L3MBTL4: variants seen among roughly 807,000 people sequenced by gnomAD.
The protein encoded by L3MBTL4 is lethal(3)malignant brain tumor-like protein 4.
L3MBTL4 carries 70 observed loss-of-function variants against 84.5 expected under a neutral mutation model. The observed-to-expected ratio is 0.83, with a 90% CI of 0.68 to 1.01. The LOEUF is 1.01. Among genes scored for constraint, L3MBTL4 ranks in the 50% least tolerant of loss-of-function variants. The probability of loss-of-function intolerance (pLI) is 0.00; values close to 1 mark genes in which losing one functional copy is unlikely to be tolerated. For missense variants in L3MBTL4, 715 were observed against 754.8 expected (o/e 0.95, Z 0.62); for synonymous variants, 274 against 259.8 (o/e 1.05, Z -0.52).
chr18:6,155,723 G>C (rs923473764), intron 13 of L3MBTL4, among the ~76,000 whole-genome samples: 1 of 152,112 alleles, frequency 6.6e-6, no homozygotes, highest in Non-Finnish European at 1.5e-5. Context: ...AAAATTTTCA[G>C]TTCTCTAAGT....
At chr18:6,270,279 C>T (rs1431716645) in intron 4 of L3MBTL4, among the ~76,000 whole-genome samples, 1 of 152,186 alleles carries the variant, frequency 6.6e-6, no homozygotes, top group African/African-American at 2.4e-5. Flanking sequence ...CATGCTCTCC[C>T]TACATTTTTC....
intron 6 of L3MBTL4, among the ~76,000 whole-genome samples, chr18:6,243,975 T>A (rs946475856): frequency 3.9e-4 from 60 of 152,204 alleles, no homozygotes; most frequent in African/African-American, 1.4e-3. Context: ...AATGTGACTG[T>A]TATGTTCAAT....
intron 1 of L3MBTL4, among the ~76,000 whole-genome samples, chr18:6,314,931 AC>A (rs1335932949): frequency 6.6e-6 from 1 of 152,202 alleles, no homozygotes; most frequent in Non-Finnish European, 1.5e-5. Context: ...GTCCTGGATA[AC>A]CCAAGGTACG....
At chr18:6,349,510 C>T (rs1410876342) in intron 1 of L3MBTL4, among the ~76,000 whole-genome samples, 1 of 152,106 alleles carries the variant, frequency 6.6e-6, no homozygotes, top group Admixed American at 6.5e-5. Context: ...GGGAGGATCG[C>T]TTGAGGCCAG....
At chr18:6,243,118 A>G (rs1455790830) in intron 7 of L3MBTL4, among the ~76,000 whole-genome samples, 176 bp downstream of exon 7, 1 of 152,242 alleles carries the variant, frequency 6.6e-6, no homozygotes, top group Non-Finnish European at 1.5e-5. Context: ...TTCTTTAAAG[A>G]CATTTACTTC....
At chr18:5,974,508 ACG>A (rs1180267604) in intron 16 of L3MBTL4, among the ~76,000 whole-genome samples, 1 of 152,150 alleles carries the variant, frequency 6.6e-6, no homozygotes, top group Non-Finnish European at 1.5e-5. Context: ...AAAAGTCAGA[ACG>A]CCACAGCCAG....
chr18:6,255,779 CAAA>C (rs80253863), intron 5 of L3MBTL4, among the ~76,000 whole-genome samples: 8 of 66,162 alleles, frequency 1.2e-4, no homozygotes, highest in Admixed American at 1.6e-4. Flanking sequence ...ATATAAAAGG[CAAA>C]AAAAAAAAAA....
At chr18:5,979,379 T>A (rs1466446165) in intron 16 of L3MBTL4, among the ~76,000 whole-genome samples, 1 of 151,698 alleles carries the variant, frequency 6.6e-6, no homozygotes, top group Admixed American at 6.6e-5. Context: ...CATCCAGGAG[T>A]GTACAATCAG....
At chr18:6,169,745 G>A (rs888242596) in intron 13 of L3MBTL4, among the ~76,000 whole-genome samples, 3 of 151,712 alleles carry the variant, frequency 2.0e-5, no homozygotes, top group African/African-American at 7.3e-5. Flanking sequence ...GAGTTAATGG[G>A]TGCAGCACAC....
intron 4 of L3MBTL4, among the ~76,000 whole-genome samples, chr18:6,296,486 AAAAT>A (rs770613572): frequency 6.6e-6 from 1 of 152,240 alleles, no homozygotes; most frequent in Non-Finnish European, 1.5e-5. Context: ...GAGAAGAAAT[AAAAT>A]AGAGAGAAAA....
chr18:6,370,339 G>A (rs1441056891), intron 1 of L3MBTL4, among the ~76,000 whole-genome samples: 1 of 152,122 alleles, frequency 6.6e-6, no homozygotes, highest in African/African-American at 2.4e-5. Context: ...CATGCAAAGG[G>A]AAAAATTACA....
chr18:6,146,308 G>C (rs553132813), intron 13 of L3MBTL4, among the ~76,000 whole-genome samples: 1 of 152,214 alleles, frequency 6.6e-6, no homozygotes, highest in Non-Finnish European at 1.5e-5. Flanking sequence ...TTACAGCTGG[G>C]GCTAGGTGAG....
intron 12 of L3MBTL4, among the ~76,000 whole-genome samples, chr18:6,187,333 G>A (rs2044823665): frequency 1.3e-5 from 2 of 152,018 alleles, no homozygotes; most frequent in African/African-American, 4.8e-5. Flanking sequence ...GTGCCTACAG[G>A]ATATCTAACA....
intron 9 of L3MBTL4, among the ~76,000 whole-genome samples, chr18:6,239,409 G>GA (rs2047362575): frequency 7.0e-6 from 1 of 143,332 alleles, no homozygotes; most frequent in African/African-American, 2.6e-5. Context: ...AAAAAATGCT[G>GA]AAAGTTTTTA....
At chr18:6,109,968 G>A (rs1230297477) in intron 14 of L3MBTL4, among the ~76,000 whole-genome samples, 2 of 152,102 alleles carry the variant, frequency 1.3e-5, no homozygotes, top group South Asian at 2.1e-4. Flanking sequence ...ACCAGGGCAG[G>A]CCGAGGTGGA....
At chr18:6,335,728 T>G (rs2052301226) in intron 1 of L3MBTL4, among the ~76,000 whole-genome samples, 2 of 152,164 alleles carry the variant, frequency 1.3e-5, no homozygotes, top group Admixed American at 1.3e-4. Flanking sequence ...TCACAAGATC[T>G]GATGGTTTTA....
At chr18:6,262,700 G>A (rs1338516533) in intron 5 of L3MBTL4, among the ~76,000 whole-genome samples, 4 of 152,126 alleles carry the variant, frequency 2.6e-5, no homozygotes, top group Non-Finnish European at 5.9e-5. Flanking sequence ...GGTTAAGAAT[G>A]CTGCTCTAGA....
At chr18:6,028,543 T>C (rs1568001810) in intron 16 of L3MBTL4, among the ~76,000 whole-genome samples, 1 of 152,218 alleles carries the variant, frequency 6.6e-6, no homozygotes, top group East Asian at 1.9e-4. Context: ...CCATATGAAA[T>C]TTAAAGTAGT....
chr18:6,202,781 G>A (rs1402934768), intron 12 of L3MBTL4, among the ~76,000 whole-genome samples: 2 of 152,170 alleles, frequency 1.3e-5, no homozygotes, highest in South Asian at 2.1e-4. Flanking sequence ...GAAGAAAAAG[G>A]TTTGTGTATT....
Sources: allele counts gnomAD v4.1 joint callset (sites outside exome capture counted in the v4.1 genomes callset), GRCh38; gene constraint gnomAD v4.1.1; transcripts MANE v1.5; gene names NCBI Gene and HGNC (gene_info 2026-07-23, HGNC 2026-07-21).